The following OXR1 variants were observed in gnomAD, a reference collection of about 807,000 sequenced individuals.
OXR1 encodes the protein oxidation resistance protein 1.
A neutral mutation model predicts 104.6 loss-of-function variants in OXR1; 41 were observed. That is an observed-to-expected ratio of 0.39 (90% CI 0.31 to 0.51). The LOEUF is 0.51. Among genes scored for constraint, OXR1 ranks in the 20% least tolerant of loss-of-function variants. The probability of loss-of-function intolerance (pLI) is 0.77; values close to 1 mark genes in which losing one functional copy is unlikely to be tolerated. For synonymous variants in OXR1, 348 were observed against 348.4 expected, an observed-to-expected ratio of 1.00 and a Z score of 0.01; for missense variants, 955 against 1,031.9, an observed-to-expected ratio of 0.93 and a Z score of 1.02.
intron 1 of OXR1, among the ~76,000 whole-genome samples, chr8:106,313,102 T>C (rs568879318): frequency 6.6e-6 from 1 of 152,300 alleles, no homozygotes. Flanking sequence ...CCAGTAGTCA[T>C]TTCTTATTTT....
chr8:106,564,916 G>A (rs184274838), intron 3 of OXR1, among the ~76,000 whole-genome samples: 337 of 152,256 alleles, frequency 2.2e-3, no homozygotes, highest in Middle Eastern at 3.4e-3. Context: ...AAAGGCCTTC[G>A]ATAAAATTCA....
At chr8:106,309,402 T>C (rs1813602821) in intron 1 of OXR1, among the ~76,000 whole-genome samples, 3 of 152,160 alleles carry the variant, frequency 2.0e-5, no homozygotes, top group African/African-American at 7.2e-5. Flanking sequence ...TTTGTGTGTA[T>C]CTATCATATA....
chr8:106,613,458 G>T (rs1179516677), intron 3 of OXR1, among the ~76,000 whole-genome samples: 14 of 152,188 alleles, frequency 9.2e-5, no homozygotes. Context: ...GAGTGCAATG[G>T]CACGATCTCG....
intron 11 of OXR1, among the ~76,000 whole-genome samples, chr8:106,728,217 GAAAAAAAA>G (rs1164061309): frequency 1.4e-4 from 12 of 85,796 alleles, no homozygotes; most frequent in East Asian, 7.1e-4. Flanking sequence ...TTCTAAACTG[GAAAAAAAA>G]AAAAAAAAAA....
At chr8:106,505,445 G>A (rs1167363015) in intron 2 of OXR1, among the ~76,000 whole-genome samples, 1 of 152,160 alleles carries the variant, frequency 6.6e-6, no homozygotes, top group African/African-American at 2.4e-5. Flanking sequence ...CCCCATCAGA[G>A]TGTCTAATGA....
chr8:106,649,437 T>C (rs1382807478), intron 3 of OXR1, among the ~76,000 whole-genome samples: 1 of 151,852 alleles, frequency 6.6e-6, no homozygotes, highest in South Asian at 2.1e-4. Context: ...TGTTTTCCCA[T>C]ATGCATGTAC....
intron 1 of OXR1, among the ~76,000 whole-genome samples, chr8:106,312,648 T>A (rs932881410): frequency 6.6e-6 from 1 of 152,228 alleles, no homozygotes; most frequent in Non-Finnish European, 1.5e-5. Context: ...CTTGAATGAC[T>A]CAGGTTGTTG....
intron 1 of OXR1, among the ~76,000 whole-genome samples, chr8:106,339,519 A>AATTATAT (rs1815134501): frequency 3.0e-5 from 1 of 33,360 alleles, no homozygotes; most frequent in Non-Finnish European, 5.3e-5. Context: ...AAAAAAAAAA[A>AATTATAT]ATATATATAT....
intron 1 of OXR1, among the ~76,000 whole-genome samples, chr8:106,337,920 T>A (rs970335917): frequency 3.9e-5 from 6 of 152,178 alleles, no homozygotes; most frequent in Non-Finnish European, 8.8e-5. Context: ...ACACTAAAAG[T>A]TAATGTGGCT....
At chr8:106,615,833 C>A (rs750356028) in intron 3 of OXR1, among the ~76,000 whole-genome samples, 19 of 152,072 alleles carry the variant, frequency 1.2e-4, no homozygotes, top group Non-Finnish European at 2.6e-4. Context: ...GGAGAATAAG[C>A]AACATCTCCC....
intron 2 of OXR1, among the ~76,000 whole-genome samples, chr8:106,401,998 G>T (rs1261464206): frequency 6.6e-6 from 1 of 152,162 alleles, no homozygotes; most frequent in East Asian, 1.9e-4. Flanking sequence ...CCAGCTAAAA[G>T]CAAACGGCTT....
intron 11 of OXR1, 128 bp downstream of exon 11, chr8:106,714,113 C>T: frequency 1.6e-6 from 1 of 635,192 alleles, no homozygotes; most frequent in Non-Finnish European, 2.6e-6. Context: ...GGTTCACTAT[C>T]CGTGTTTATT....
intron 2 of OXR1, among the ~76,000 whole-genome samples, chr8:106,514,869 A>G (rs1309072992): frequency 2.0e-5 from 3 of 152,164 alleles, no homozygotes; most frequent in Non-Finnish European, 4.4e-5. Flanking sequence ...GCTGAGAACA[A>G]AAGAGCAGCT....
At chr8:106,495,867 G>A (rs985202171) in intron 2 of OXR1, among the ~76,000 whole-genome samples, 8 of 152,098 alleles carry the variant, frequency 5.3e-5, no homozygotes, top group African/African-American at 1.9e-4. Context: ...TTAATATCTA[G>A]CAGCAGATCA....
At chr8:106,453,932 A>C (rs1433758721) in intron 2 of OXR1, among the ~76,000 whole-genome samples, 1 of 152,238 alleles carries the variant, frequency 6.6e-6, no homozygotes, top group African/African-American at 2.4e-5. Flanking sequence ...AAACCTGCCA[A>C]TTAAACTAAG....
intron 3 of OXR1, among the ~76,000 whole-genome samples, chr8:106,550,973 A>G (rs997521047): frequency 1.3e-5 from 2 of 152,184 alleles, no homozygotes; most frequent in Non-Finnish European, 2.9e-5. Flanking sequence ...TCCTTCAGCT[A>G]TCTAGACCTG....
At chr8:106,600,184 C>A (rs1481495116) in intron 3 of OXR1, among the ~76,000 whole-genome samples, 1 of 152,126 alleles carries the variant, frequency 6.6e-6, no homozygotes, top group Non-Finnish European at 1.5e-5. Context: ...AATGGATGAG[C>A]ATATCTGTCA....
At chr8:106,714,046 A>C in intron 11 of OXR1, 61 bp downstream of exon 11, 1 of 1,270,928 alleles carries the variant, frequency 7.9e-7, no homozygotes, top group Non-Finnish European at 1.1e-6. Context: ...TTATAGCTTT[A>C]TGGTAGTACA....
At chr8:106,384,510 G>A (rs564877848) in intron 2 of OXR1, among the ~76,000 whole-genome samples, 9 of 152,224 alleles carry the variant, frequency 5.9e-5, no homozygotes, top group African/African-American at 1.9e-4. Context: ...CGAGTATAAG[G>A]ATACAGAACT....
Sources: allele counts gnomAD v4.1 joint callset (sites outside exome capture counted in the v4.1 genomes callset), GRCh38; gene constraint gnomAD v4.1.1; transcripts MANE v1.5; gene names NCBI Gene and HGNC (gene_info 2026-07-23, HGNC 2026-07-21).